The following NAALADL2 variants were observed in gnomAD, a reference collection of about 807,000 sequenced individuals.
The protein encoded by NAALADL2 is N-acetylated alpha-linked acidic dipeptidase like 2.
A neutral mutation model predicts 87.2 loss-of-function variants in NAALADL2; 76 were observed. The ratio of observed to expected loss-of-function variants is 0.87; its 90% CI spans 0.72 to 1.05. NAALADL2 has a LOEUF of 1.05. NAALADL2 is among the 50% of genes least tolerant of loss of function. NAALADL2 has a pLI of 0.00. For missense variants in NAALADL2, 1,089 were observed against 945.8 expected, an observed-to-expected ratio of 1.15 and a Z score of -1.99; for synonymous variants, 354 against 331.0, an observed-to-expected ratio of 1.07 and a Z score of -0.75.
intron 5 of NAALADL2, among the ~76,000 whole-genome samples, chr3:175,425,530 AT>A (rs945982467): frequency 7.9e-5 from 12 of 152,012 alleles, no homozygotes; most frequent in Non-Finnish European, 1.2e-4. Context: ...ATTTAGATGT[AT>A]TTTTTTTAAT....
chr3:175,230,626 G>T (rs1228994908), intron 2 of NAALADL2, among the ~76,000 whole-genome samples: 1 of 151,998 alleles, frequency 6.6e-6, no homozygotes, highest in Non-Finnish European at 1.5e-5. Context: ...GGTAAAGGAA[G>T]CCTTGGAAAA....
At chr3:175,256,945 C>T (rs1238803211) in intron 4 of NAALADL2, 3 of 152,350 alleles carry the variant, frequency 2.0e-5, no homozygotes, top group African/African-American at 7.2e-5. Flanking sequence ...CTATGTTAGA[C>T]AAGTATCTAG....
intron 2 of NAALADL2, among the ~76,000 whole-genome samples, chr3:175,216,661 T>C (rs1742575995): frequency 1.7e-5 from 2 of 120,146 alleles, no homozygotes; most frequent in South Asian, 5.4e-4. Context: ...TTCTTTTTTT[T>C]TCTTTTCTTT....
chr3:174,686,110 T>C (rs1300057758), intron 2 of NAALADL2, among the ~76,000 whole-genome samples: 5 of 152,078 alleles, frequency 3.3e-5, no homozygotes, highest in Non-Finnish European at 5.9e-5. Context: ...TGCTATTGTG[T>C]ATAGTGATGC....
chr3:175,788,013 T>TCAAA (rs1338892646), intron 13 of NAALADL2, among the ~76,000 whole-genome samples: 16 of 151,970 alleles, frequency 1.1e-4, no homozygotes, highest in Non-Finnish European at 2.1e-4. Flanking sequence ...ACTCACTGAT[T>TCAAA]CAAACAGAGA....
At chr3:174,807,120 T>C (rs1719596710) in intron 3 of NAALADL2, among the ~76,000 whole-genome samples, 1 of 152,180 alleles carries the variant, frequency 6.6e-6, no homozygotes, top group African/African-American at 2.4e-5. Flanking sequence ...TTAAAGGATT[T>C]GAAATTTTAT....
chr3:175,151,742 T>TA (rs1211729445), intron 2 of NAALADL2, among the ~76,000 whole-genome samples: 5 of 152,270 alleles, frequency 3.3e-5, no homozygotes, highest in Admixed American at 2.6e-4. Flanking sequence ...AAAACCTATG[T>TA]AAAAAATAGA....
At chr3:175,239,321 A>G (rs898728410) in intron 3 of NAALADL2, among the ~76,000 whole-genome samples, 3 of 152,224 alleles carry the variant, frequency 2.0e-5, no homozygotes, top group African/African-American at 7.2e-5. Context: ...TTAAAAGGTA[A>G]ATATCAACTA....
Position 175,718,320 on chromosome 3 carries a change from A to G in NAALADL2, c.1897-18986A>G. 2.5e-6 allele frequency: 4 copies of G among 1,570,126 alleles called. No homozygotes were observed. The Admixed American group carries it at 7.0e-5, about 27-fold the overall frequency. ...CCGAAGCTCTTGCAGGACAACTTTG[A>G]TGCTATATGAATTCTGCCATTTTGC... On this transcript the variant is annotated intron_variant, in intron 11 of 13. Coordinates refer to ENST00000454872, the MANE Select transcript of NAALADL2 (RefSeq NM_207015.3).
chr3:175,459,681 C>G (rs1000254618), intron 6 of NAALADL2, among the ~76,000 whole-genome samples: 7 of 152,074 alleles, frequency 4.6e-5, no homozygotes, highest in African/African-American at 1.4e-4. Context: ...TAGGAGGAGA[C>G]AATCTCTCTA....
chr3:174,764,991 A>T (rs1713581907), intron 3 of NAALADL2, among the ~76,000 whole-genome samples: 1 of 152,150 alleles, frequency 6.6e-6, no homozygotes, highest in African/African-American at 2.4e-5. Context: ...GTTACTTTCT[A>T]CCTTTGTTTT....
intron 11 of NAALADL2, among the ~76,000 whole-genome samples, chr3:175,635,398 C>A (rs559701479): frequency 3.9e-5 from 6 of 151,976 alleles, no homozygotes; most frequent in Admixed American, 1.3e-4. Context: ...AAGAAGGCTG[C>A]TATTCTTTTA....
chr3:175,065,158 C>A (rs934472902), intron 1 of NAALADL2, among the ~76,000 whole-genome samples: 1 of 152,036 alleles, frequency 6.6e-6, no homozygotes, highest in African/African-American at 2.4e-5. Context: ...GAATCCTGGG[C>A]GAGACATTAC....
rs59457199 is a variant in NAALADL2 at position 174,673,945 on chromosome 3, TAA to T, written c.-114-63688_-114-63687del. ...AATTTGAAAAAATGTTATGTATTAA[TAA>T]AAAAAAATTGGCAGCTGTTTTAGGC... On this transcript the variant is annotated intron_variant, in intron 2 of 3. Coordinates refer to the NAALADL2 transcript ENST00000434257. 1.3e-4 allele frequency among the ~76,000 whole-genome samples: 19 copies of T among 151,650 alleles called. No homozygotes were observed. In the East Asian group the frequency reaches 1.6e-3, roughly 12 times the overall value.
At chr3:174,800,143 C>T (rs1022283587) in intron 3 of NAALADL2, among the ~76,000 whole-genome samples, 6 of 152,130 alleles carry the variant, frequency 3.9e-5, no homozygotes, top group Non-Finnish European at 7.4e-5. Context: ...ATCTCATTTT[C>T]TGATGAGAAA....
chr3:175,793,855 G>C (rs1182873119), intron 13 of NAALADL2, among the ~76,000 whole-genome samples: 2 of 152,000 alleles, frequency 1.3e-5, no homozygotes, highest in Non-Finnish European at 2.9e-5. Context: ...TTTAATAAAG[G>C]CTGTTCAGTA....
At chr3:175,003,054 A>G (rs1353141854) in intron 1 of NAALADL2, among the ~76,000 whole-genome samples, 1 of 152,214 alleles carries the variant, frequency 6.6e-6, no homozygotes, top group Admixed American at 6.5e-5. Context: ...ACCAGTGCTC[A>G]CTGTAGAGAA....
chr3:174,743,081 T>A (rs539357248), intron 3 of NAALADL2, among the ~76,000 whole-genome samples: 1 of 151,898 alleles, frequency 6.6e-6, no homozygotes, highest in Admixed American at 6.6e-5. Flanking sequence ...CTGGTATCAA[T>A]CTGATGTGAT....
chr3:174,549,498 TAGAA>T (rs1299437077), intron 1 of NAALADL2, among the ~76,000 whole-genome samples: 3 of 152,186 alleles, frequency 2.0e-5, no homozygotes, highest in African/African-American at 7.2e-5. Context: ...TTTTAATAAA[TAGAA>T]TGAATCTTTC....
Sources: allele counts gnomAD v4.1 joint callset (sites outside exome capture counted in the v4.1 genomes callset), GRCh38; gene constraint gnomAD v4.1.1; transcripts MANE v1.5; gene names NCBI Gene and HGNC (gene_info 2026-07-23, HGNC 2026-07-21).